LVRN: variants seen among roughly 807,000 people sequenced by gnomAD.
LVRN encodes the protein laeverin.
Under a neutral mutation model 111.4 loss-of-function variants are expected in LVRN, and 99 were observed. That is an observed-to-expected ratio of 0.89 (90% CI 0.76 to 1.05). LVRN has a LOEUF of 1.05. Among genes scored for constraint, LVRN ranks in the 50% least tolerant of loss-of-function variants. The pLI is 0.00. For missense variants in LVRN, 1,414 were observed against 1,206.8 expected (o/e 1.17, Z -2.54); for synonymous variants, 488 against 449.5 (o/e 1.09, Z -1.08).
rs1748200626 is a variant in LVRN at position 115,999,883 on chromosome 5, A to G, written c.1496A>G (p.Asp499Gly). The G allele has an allele frequency of 1.2e-6, 2 of 1,611,230 alleles. No individual in the cohort carries two copies. Among genetic ancestry groups the G allele is most frequent in the South Asian group, 1.1e-5 (1 of 90,456 alleles). Reference protein sequence around the residue: ...FKTSEIQELFDIFTYSKGASM... With the variant: ...FKTSEIQELFGIFTYSKGASM... ...ACAAGTGAAATACAGGAACTCTTTGACATATTTACTTACAGCAAGGTAAAA... is the reference window on the plus strand; with the variant it reads ...ACAAGTGAAATACAGGAACTCTTTGGCATATTTACTTACAGCAAGGTAAAA... Residue 499 changes from aspartate to glycine, a missense_variant, in exon 7 of 20, where the codon GAC (aspartate) becomes GGC (glycine). Asp to Gly is a moderately conservative substitution (Grantham distance 94). Transcript: ENST00000357872.
chr5:115,982,891 G>A (rs1747743061), intron 1 of LVRN, among the ~76,000 whole-genome samples: 1 of 152,106 alleles, frequency 6.6e-6, no homozygotes, highest in African/African-American at 2.4e-5. Flanking sequence ...TTCTTCCCCT[G>A]ACTTTTACTT....
rs139723999 is a variant in LVRN, at chr5:116,001,217, A to G, written c.1798A>G (p.Asn600Asp). The change falls in exon 10 of 20, where the codon AAT (asparagine) becomes GAT (aspartate). Residue 600 changes from asparagine (N) to aspartate (D), a missense_variant. By Grantham distance (23) the Asn-to-Asp change is conservative. Transcript: ENST00000357872. ...QEPFYLENIK[N>D]RTLLTSNDTW... Reference sequence around the variant, plus strand: ...GCCATTTTATCTTGAAAACATTAAAAATCGGACTCTTCTAACCAGCAAGTA... The same window carrying G: ...GCCATTTTATCTTGAAAACATTAAAGATCGGACTCTTCTAACCAGCAAGTA... 2.9e-4 allele frequency: 461 copies of G among 1,613,664 alleles called. No homozygotes were observed. Among genetic ancestry groups the G allele is most frequent in the Non-Finnish European group, 3.7e-4 (441 of 1,179,942 alleles).
intron 18 of LVRN, among the ~76,000 whole-genome samples, chr5:116,018,141 T>C (rs907997777): frequency 2.0e-5 from 3 of 152,062 alleles, no homozygotes; most frequent in Non-Finnish European, 2.9e-5. Flanking sequence ...TATGCAATAA[T>C]TACAGTTTTC....
At position 116,000,868 on chromosome 5, in the gene LVRN, G is replaced by A. The variant is rs369092361; in HGVS notation, c.1648-199G>A. 3.0e-4 allele frequency among the ~76,000 whole-genome samples: 45 copies of A among 152,184 alleles called. No individual in the cohort carries two copies. The South Asian group carries it at 9.1e-3, about 31-fold the overall frequency. On this transcript the variant is annotated intron_variant, in intron 9 of 19. Coordinates refer to ENST00000357872, the MANE Select transcript of LVRN (RefSeq NM_173800.5). ...GAATATGTTAGATCAATAAATATGT[G>A]TTCATATTTATTGAATTAATGAATT...
chr5:116,001,329 C>T (rs973955745), intron 10 of LVRN, 90 bp downstream of exon 10: 2 of 1,416,926 alleles, frequency 1.4e-6, no homozygotes, highest in Admixed American at 2.0e-5. Flanking sequence ...GAAGCGTTAC[C>T]CCCGCTGGGC....
chr5:115,965,563 A>G (rs1753185229), intron 1 of LVRN, among the ~76,000 whole-genome samples: 1 of 152,178 alleles, frequency 6.6e-6, no homozygotes, highest in South Asian at 2.1e-4. Flanking sequence ...TCTGATGCCT[A>G]CTATTGGCAC....
chr5:115,990,734 G>A (rs568710382), intron 4 of LVRN, among the ~76,000 whole-genome samples: 28 of 151,700 alleles, frequency 1.8e-4, no homozygotes, highest in African/African-American at 6.8e-4. Context: ...ACCATGCCCA[G>A]CTAATTTTTC....
intron 12 of LVRN, 121 bp from the exon 13 acceptor site, chr5:116,005,791 G>A (rs1292225599): frequency 1.3e-6 from 1 of 768,728 alleles, no homozygotes; most frequent in Non-Finnish European, 2.3e-6. Context: ...CTCTGCAGAT[G>A]AGATAAGTCA....
chr5:115,999,697 G>T lies in LVRN; in HGVS notation c.1375-65G>T. On this transcript the variant is annotated intron_variant, in intron 6 of 19. Transcript: ENST00000357872. ...TATCAGTTTTTGAAAGTATTTTAGG[G>T]CCATAGAATTTTGGTCTTCTGTGAC... is the stretch of plus-strand genomic sequence containing the variant. 6.5e-6 allele frequency: 10 copies of T among 1,535,772 alleles called. No homozygotes were observed. The South Asian group carries it at 9.4e-5, about 14-fold the overall frequency.
chr5:115,976,584 A>G (rs1753453584), intron 1 of LVRN, among the ~76,000 whole-genome samples: 1 of 152,178 alleles, frequency 6.6e-6, no homozygotes, highest in African/African-American at 2.4e-5. Context: ...TAAATTTCCC[A>G]CTAACTATTG....
At chr5:116,021,206 A>G (rs1163477843) in intron 18 of LVRN, 1 of 152,186 alleles carries the variant, frequency 6.6e-6, no homozygotes, top group African/African-American at 2.4e-5. Context: ...GCCCAAGGTA[A>G]TGTCAAATCC....
rs1561560617 is a variant in LVRN, at chr5:115,992,227, GA to G, written c.1217del (p.Lys406ArgfsTer3). 6 of 1,613,838 alleles carry G rather than the reference GA, an allele frequency of 3.7e-6. No homozygotes were observed. The highest frequency in any genetic ancestry group is 5.1e-6 in the Non-Finnish European group (6 of 1,179,858). ...GTTGGAACCAAAAGATCAACTGACA[GA>G]AAAAAAGACTCTGATCTCCTATGTT... ...LLLEPKDQLT[E>X]KKTLISYVVS... On this transcript the variant is annotated frameshift_variant, in exon 5 of 20. Coordinates refer to ENST00000357872, the MANE Select transcript of LVRN (RefSeq NM_173800.5). LOFTEE classifies it high-confidence loss of function.
At chr5:116,002,631 G>T (rs1018674291) in intron 10 of LVRN, among the ~76,000 whole-genome samples, 2 of 152,184 alleles carry the variant, frequency 1.3e-5, no homozygotes, top group African/African-American at 2.4e-5. Context: ...GACACAACAG[G>T]AGAGAGGAGT....
intron 18 of LVRN, among the ~76,000 whole-genome samples, chr5:116,018,103 A>C (rs1030503936): frequency 3.9e-5 from 6 of 152,128 alleles, no homozygotes; most frequent in South Asian, 2.1e-4. Context: ...TCTACCAAAA[A>C]TTTAAAAATT....
chr5:115,962,927 C>T lies in LVRN; in HGVS notation c.310C>T (p.Pro104Ser). 2 of 1,612,968 alleles carry T rather than the reference C, an allele frequency of 1.2e-6. No homozygotes were observed. Residue 104 changes from proline to serine, a missense_variant, in exon 1 of 20, where the codon CCG becomes TCG. Transcript: ENST00000357872. ...GCTACGCCTGCCGCCCTGGCTCGTGCCGCTGCACTACGATCTGGAGCTGTG... is the reference window on the plus strand; with the variant it reads ...GCTACGCCTGCCGCCCTGGCTCGTGTCGCTGCACTACGATCTGGAGCTGTG... The part of the protein sequence containing the change: ...DQLRLPPWLV[P>S]LHYDLELWPQ...
chr5:116,000,478 T>G lies in LVRN; in HGVS notation c.1561T>G (p.Leu521Val). ...RMLSCFLNEHLFVSALKSYLK... is the reference protein window; with the variant it reads ...RMLSCFLNEHVFVSALKSYLK... ...GCTTTCTTGTTTCTTGAATGAGCAT[T>G]TATTTGTCAGTGCACTCAAGGTGAG... is the stretch of plus-strand genomic sequence containing the variant. Residue 521 changes from leucine to valine, a missense_variant, in exon 8 of 20, where the codon TTA becomes GTA. Transcript: ENST00000357872. 1 of 1,614,176 alleles carries G rather than the reference T, an allele frequency of 6.2e-7. No individual in the cohort carries two copies. Among genetic ancestry groups the G allele is most frequent in the Non-Finnish European group, 8.5e-7 (1 of 1,180,020 alleles).
At chr5:115,970,918 G>GT (rs1457913670) in intron 1 of LVRN, among the ~76,000 whole-genome samples, 2 of 152,118 alleles carry the variant, frequency 1.3e-5, no homozygotes, top group African/African-American at 4.8e-5. Context: ...TGAATATTTA[G>GT]TTTTTTAAGA....
chr5:116,002,160 G>A (rs960105305), intron 10 of LVRN, among the ~76,000 whole-genome samples: 6 of 152,210 alleles, frequency 3.9e-5, no homozygotes, highest in Non-Finnish European at 5.9e-5. Flanking sequence ...AGACCTGTGT[G>A]TCTTAGCTAT....
At chr5:116,018,279 C>T (rs1347872967) in intron 18 of LVRN, among the ~76,000 whole-genome samples, 1 of 152,154 alleles carries the variant, frequency 6.6e-6, no homozygotes, top group African/African-American at 2.4e-5. Flanking sequence ...TCCCGGTTCT[C>T]TATTTACTTT....
Sources: gnomAD v4.1 joint callset for allele counts (sites outside exome capture counted in the v4.1 genomes callset) on GRCh38, gnomAD v4.1.1 for gene constraint, MANE v1.5 for transcripts, NCBI Gene and HGNC (gene_info 2026-07-23, HGNC 2026-07-21) for gene names.